Variants in ST14 observed in about 807,000 individuals in gnomAD.
The protein encoded by ST14 is suppressor of tumorigenicity 14 protein.
ST14 carries 40 observed loss-of-function variants against 96.5 expected under a neutral mutation model. That is an observed-to-expected ratio of 0.41 (90% CI 0.32 to 0.54). ST14 has a LOEUF of 0.54. Ranked by LOEUF, ST14 falls within the 20% of genes least tolerant of loss-of-function variation. The probability of loss-of-function intolerance (pLI) is 0.17; values close to 1 mark genes in which losing one functional copy is unlikely to be tolerated. For synonymous variants in ST14, 506 were observed against 492.1 expected, an observed-to-expected ratio of 1.03 and a Z score of -0.37; for missense variants, 1,066 against 1,188.9, an observed-to-expected ratio of 0.90 and a Z score of 1.52.
In ST14 at chr11:130,196,563, C is replaced by CT. The variant is rs761882105; in HGVS notation, c.1224-7_1224-6insT. On this transcript the variant is annotated splice_region_variant and splice_polypyrimidine_tract_variant and intron_variant, in intron 10 of 18. Transcript: ENST00000278742. ...CCTCCTCACCTTGTGCCCCGCCCCCCCTCCAGATACTGCGGAGAGAGGTCC... is the reference window on the plus strand; with the variant it reads ...CCTCCTCACCTTGTGCCCCGCCCCCCTCTCCAGATACTGCGGAGAGAGGTCC... 6.7e-5 allele frequency: 108 copies of CT among 1,610,944 alleles called. 1 individual carries two copies. In the Admixed American group the frequency reaches 1.1e-3, roughly 17 times the overall value.
chr11:130,173,907 T>C (rs1307308133), intron 1 of ST14, among the ~76,000 whole-genome samples: 1 of 152,212 alleles, frequency 6.6e-6, no homozygotes, highest in Admixed American at 6.5e-5. Flanking sequence ...GACCAGAGAG[T>C]GCTGGCCAGG....
chr11:130,197,996 C>A (rs988589791), intron 12 of ST14, 51 bp downstream of exon 12: 2 of 1,517,638 alleles, frequency 1.3e-6, no homozygotes, highest in Non-Finnish European at 1.8e-6. Context: ...CCCACCCTGC[C>A]CGCGTCCCAT....
At chr11:130,191,254 C>A (rs1232475123) in intron 7 of ST14, among the ~76,000 whole-genome samples, 1 of 151,304 alleles carries the variant, frequency 6.6e-6, no homozygotes. Context: ...GGATCTCCAG[C>A]CCAGGAGGTC....
intron 1 of ST14, among the ~76,000 whole-genome samples, chr11:130,169,286 G>A (rs560147779): frequency 2.7e-4 from 41 of 152,154 alleles, no homozygotes; most frequent in African/African-American, 9.2e-4. Flanking sequence ...GTAGAGACAG[G>A]GTTTCGCCAT....
At chr11:130,172,192 G>C (rs941628152) in intron 1 of ST14, among the ~76,000 whole-genome samples, 1 of 151,652 alleles carries the variant, frequency 6.6e-6, no homozygotes, top group African/African-American at 2.4e-5. Context: ...ACAGCTCACT[G>C]CAGCCTTGAC....
Position 130,176,954 on chromosome 11 carries a change from G to A in ST14, c.82-11160G>A, listed in dbSNP as rs189882891. Among the ~76,000 whole-genome samples the A allele has an allele frequency of 2.6e-3, 393 of 150,954 alleles. 1 individual carries two copies. The highest frequency in any genetic ancestry group is 9.2e-3 in the African/African-American group (377 of 41,172). ...GCTGGGACTACAGGCCCATACTACC[G>A]CACCTGGCTAATTTTTTGTATTTTT... On this transcript the variant is annotated intron_variant, in intron 1 of 18. Coordinates refer to ENST00000278742, the MANE Select transcript of ST14 (RefSeq NM_021978.4).
At chr11:130,204,541 G>A (rs1371229294) in intron 16 of ST14, among the ~76,000 whole-genome samples, 1 of 152,226 alleles carries the variant, frequency 6.6e-6, no homozygotes, top group Non-Finnish European at 1.5e-5. Flanking sequence ...GCCTGGCGCG[G>A]TGGCTCATGC....
At chr11:130,172,511 A>G (rs1953101886) in intron 1 of ST14, among the ~76,000 whole-genome samples, 1 of 142,106 alleles carries the variant, frequency 7.0e-6, no homozygotes, top group Admixed American at 7.7e-5. Flanking sequence ...TCTGCCTCCC[A>G]GGTTCACGCC....
chr11:130,179,006 T>G (rs1039777394), intron 1 of ST14, among the ~76,000 whole-genome samples: 2 of 152,182 alleles, frequency 1.3e-5, no homozygotes, highest in African/African-American at 4.8e-5. Context: ...AAGTTCGACC[T>G]GGCACAGCAG....
At chr11:130,176,788 C>CTTTTTTTT (rs56764956) in intron 1 of ST14, among the ~76,000 whole-genome samples, 1 of 59,256 alleles carries the variant, frequency 1.7e-5, no homozygotes, top group Non-Finnish European at 3.4e-5. Flanking sequence ...TAGGGCTTAA[C>CTTTTTTTT]TTTTTTTTTT....
chr11:130,207,023 G>A (rs1394012334), intron 16 of ST14, among the ~76,000 whole-genome samples: 2 of 152,060 alleles, frequency 1.3e-5, no homozygotes, highest in Admixed American at 6.5e-5. Context: ...ACTTATTTCG[G>A]GGTTCTTATT....
At chr11:130,167,863 C>T (rs1002306666) in intron 1 of ST14, among the ~76,000 whole-genome samples, 2 of 152,126 alleles carry the variant, frequency 1.3e-5, no homozygotes, top group Non-Finnish European at 2.9e-5. Context: ...TACAGGTGTG[C>T]GCCACTGCGC....
At position 130,209,491 on chromosome 11, in the gene ST14, G is replaced by T; in HGVS notation, c.2319G>T (p.Gln773His). 6.3e-7 allele frequency: 1 copy of T among 1,586,688 alleles called. No individual in the cohort carries two copies. Among genetic ancestry groups the T allele is most frequent in the Non-Finnish European group, 8.6e-7 (1 of 1,166,706 alleles). ...AGGGTGAGATCCGCGTCATCAACCA[G>T]ACCACCTGCGAGAACCTCCTGCCGC... The part of the protein sequence containing the change: ...LQKGEIRVIN[Q>H]TTCENLLPQQ... Residue 773 changes from glutamine to histidine, a missense_variant, in exon 18 of 19, where the codon CAG becomes CAT. Physicochemically the swap from Gln to His is conservative, Grantham distance 24. Coordinates refer to ENST00000278742, the MANE Select transcript of ST14 (RefSeq NM_021978.4).
chr11:130,177,542 G>A (rs1026224972), intron 1 of ST14, among the ~76,000 whole-genome samples: 2 of 152,086 alleles, frequency 1.3e-5, no homozygotes, highest in South Asian at 2.1e-4. Flanking sequence ...CAGCCTGGGC[G>A]ACAAGAGCGA....
rs1953401906 is a variant in ST14 at position 130,199,089 on chromosome 11, A to G, written c.1807+20A>G. Reference sequence around the variant, plus strand: ...ACTGCGGTGAGCAGGGCATCCGAGTACGGTTGTGCAGGTTGTTCACTGTGT... The same window carrying G: ...ACTGCGGTGAGCAGGGCATCCGAGTGCGGTTGTGCAGGTTGTTCACTGTGT... On this transcript the variant is annotated intron_variant, in intron 15 of 18. Transcript: ENST00000278742. 6.2e-7 allele frequency: 1 copy of G among 1,610,300 alleles called. No homozygotes were observed. The highest frequency in any genetic ancestry group is 1.1e-5 in the South Asian group (1 of 90,748).
intron 16 of ST14, among the ~76,000 whole-genome samples, chr11:130,202,591 G>A (rs565973496): frequency 1.1e-4 from 17 of 152,360 alleles, no homozygotes; most frequent in Middle Eastern, 3.4e-3. Flanking sequence ...TCCAGACAAA[G>A]GGAGTGTCGT....
At chr11:130,194,762 G>C in intron 9 of ST14, 25 bp downstream of exon 9, 2 of 1,415,734 alleles carry the variant, frequency 1.4e-6, no homozygotes, top group Non-Finnish European at 1.9e-6. Flanking sequence ...GCGTGTGAAC[G>C]TGTGTGTGTG....
chr11:130,203,826 G>C (rs1953458032), intron 16 of ST14, among the ~76,000 whole-genome samples: 1 of 152,080 alleles, frequency 6.6e-6, no homozygotes, highest in African/African-American at 2.4e-5. Context: ...CTAATTTTTT[G>C]TACTTTTAGT....
In ST14 at chr11:130,188,206, G is replaced by C; in HGVS notation, c.174G>C (p.Leu58=). Residue 58 remains leucine (L), a synonymous_variant, in exon 2 of 19, where the codon CTG becomes CTC. Transcript: ENST00000278742. The surrounding 1 kb of genome is among the most constrained non-coding windows in gnomAD (Gnocchi z 5.4). ...ATGGCCCGGGGCGCTGGGTGGTGCT[G>C]GCAGCCGTGCTGATCGGCCTCCTCT... ...EKHGPGRWVV[L]AAVLIGLLLV... 6.2e-7 allele frequency: 1 copy of C among 1,614,188 alleles called. No homozygotes were observed. The highest frequency in any genetic ancestry group is 1.1e-5 in the South Asian group (1 of 91,078).
Sources: allele counts gnomAD v4.1 joint callset (sites outside exome capture counted in the v4.1 genomes callset), GRCh38; gene constraint gnomAD v4.1.1; non-coding constraint Gnocchi (gnomAD v3.1); transcripts MANE v1.5; gene names NCBI Gene and HGNC (gene_info 2026-07-23, HGNC 2026-07-21).